GLIPR1L2: variants seen among roughly 807,000 people sequenced by gnomAD.
GLIPR1L2 encodes GLIPR1-like protein 2.
In GLIPR1L2, 21 loss-of-function variants were observed where a neutral mutation model predicts 28.4. That is an observed-to-expected ratio of 0.74 (90% CI 0.52 to 1.06). The LOEUF is 1.06. Among genes scored for constraint, GLIPR1L2 ranks in the 50% least tolerant of loss-of-function variants. The pLI is 0.00. For missense variants in GLIPR1L2, 476 were observed against 416.9 expected, an observed-to-expected ratio of 1.14 and a Z score of -1.23; for synonymous variants, 145 against 139.3, an observed-to-expected ratio of 1.04 and a Z score of -0.29.
At position 75,413,692 on chromosome 12, in the gene GLIPR1L2, A is replaced by G. The variant is rs761325625; in HGVS notation, c.575A>G (p.Tyr192Cys). 1.2e-5 allele frequency: 17 copies of G among 1,458,904 alleles called. No homozygotes were observed. The highest frequency in any genetic ancestry group is 8.7e-5 in the African/African-American group (6 of 69,246). 90.4% of individuals were successfully genotyped at this position (1,458,904 alleles called of 1,614,324 possible). The change falls in exon 3 of 6, where the codon TAT becomes TGT. Residue 192 changes from tyrosine (Y) to cysteine (C), a missense_variant. Transcript: ENST00000550916. ...CATGCAGCAATTTTCATATGCAACT[A>G]TGCGCCAGGGTAAGTTACTTAAAAT... is the stretch of plus-strand genomic sequence containing the variant. ...IIHAAIFICNYAPGGTLTRRP... is the reference protein window; with the variant it reads ...IIHAAIFICNCAPGGTLTRRP...
At chr12:75,394,535 G>A (rs1336785883) in intron 1 of GLIPR1L2, among the ~76,000 whole-genome samples, 1 of 151,712 alleles carries the variant, frequency 6.6e-6, no homozygotes, top group East Asian at 1.9e-4. Context: ...GTTAAAAATC[G>A]TTTGACCATA....
At chr12:75,413,557 T>G in intron 2 of GLIPR1L2, 41 bp from the exon 3 acceptor site, 1 of 1,129,242 alleles carries the variant, frequency 8.9e-7, no homozygotes. Context: ...AGTCAATGTT[T>G]AAAATTAAAT....
chr12:75,401,223 AT>A (rs2045738166), intron 1 of GLIPR1L2, among the ~76,000 whole-genome samples: 1 of 151,672 alleles, frequency 6.6e-6, no homozygotes, highest in East Asian at 1.9e-4. Context: ...AGTGAATTTA[AT>A]TTCTTTATCA....
intron 1 of GLIPR1L2, among the ~76,000 whole-genome samples, chr12:75,402,231 C>T (rs1375677946): frequency 6.6e-6 from 1 of 152,122 alleles, no homozygotes; most frequent in East Asian, 1.9e-4. Context: ...AAAACCGTAA[C>T]AGCAATGCTT....
chr12:75,426,391 A>G (rs777882468), intron 4 of GLIPR1L2, among the ~76,000 whole-genome samples: 1 of 152,262 alleles, frequency 6.6e-6, no homozygotes, highest in Non-Finnish European at 1.5e-5. Context: ...AGTGAAGGTC[A>G]GGGAAGTGGC....
rs1221723169 is a variant in GLIPR1L2, at chr12:75,431,722, CA to C, written c.*564del. 6.6e-6 allele frequency: 1 copy of C among 151,944 alleles called. No individual in the cohort carries two copies. The highest frequency in any genetic ancestry group is 1.5e-5 in the Non-Finnish European group (1 of 67,936). 9.4% of individuals were successfully genotyped at this position (151,944 alleles called of 1,614,324 possible). The stretch of plus-strand genomic sequence containing the variant: ...GGTACCTGTACATCCTGCTAGGATG[CA>C]AACTTATTATTTATAATTAATGTTC... On this transcript the variant is annotated 3_prime_UTR_variant, in exon 6 of 6. Coordinates refer to ENST00000550916, the MANE Select transcript of GLIPR1L2 (RefSeq NM_001270396.2).
intron 1 of GLIPR1L2, among the ~76,000 whole-genome samples, chr12:75,393,390 A>G (rs528714451): frequency 1.3e-5 from 2 of 152,090 alleles, no homozygotes; most frequent in East Asian, 3.9e-4. Flanking sequence ...TCAAATAATT[A>G]CTTTACTCTC....
intron 1 of GLIPR1L2, among the ~76,000 whole-genome samples, chr12:75,392,000 C>A (rs535371073): frequency 5.3e-5 from 8 of 152,070 alleles, no homozygotes; most frequent in Admixed American, 3.3e-4. Flanking sequence ...CCCTCTTTTA[C>A]ACCCTATAGT....
At chr12:75,421,111 T>C (rs1360865981) in intron 3 of GLIPR1L2, among the ~76,000 whole-genome samples, 1 of 152,100 alleles carries the variant, frequency 6.6e-6, no homozygotes, top group Non-Finnish European at 1.5e-5. Context: ...TAGGAGACAA[T>C]ACATCTGCTT....
intron 1 of GLIPR1L2, among the ~76,000 whole-genome samples, chr12:75,397,311 T>C (rs2045691538): frequency 6.6e-6 from 1 of 152,060 alleles, no homozygotes; most frequent in Non-Finnish European, 1.5e-5. Context: ...TCTTATGATT[T>C]CTATTTTTAC....
chr12:75,402,730 C>T (rs1355208877), intron 1 of GLIPR1L2, among the ~76,000 whole-genome samples: 2 of 152,160 alleles, frequency 1.3e-5, no homozygotes, highest in African/African-American at 4.8e-5. Flanking sequence ...GTTTAGACAG[C>T]ATCTGTTGCC....
At chr12:75,402,382 G>T (rs1175265185) in intron 1 of GLIPR1L2, among the ~76,000 whole-genome samples, 2 of 152,076 alleles carry the variant, frequency 1.3e-5, no homozygotes, top group Non-Finnish European at 2.9e-5. Context: ...TTTAAAAAAT[G>T]GAAGATTCAA....
chr12:75,430,347 AG>A (rs1289604217), intron 4 of GLIPR1L2, among the ~76,000 whole-genome samples: 1 of 152,366 alleles, frequency 6.6e-6, no homozygotes, highest in East Asian at 1.9e-4. Flanking sequence ...AAGATTAATT[AG>A]GAGTTATCTG....
chr12:75,396,379 G>A (rs569313903), intron 1 of GLIPR1L2, among the ~76,000 whole-genome samples: 1 of 152,016 alleles, frequency 6.6e-6, no homozygotes, highest in Non-Finnish European at 1.5e-5. Context: ...GCCCAGGCTC[G>A]CACCTGGCCC....
At chr12:75,415,959 A>G (rs1402372830) in intron 3 of GLIPR1L2, among the ~76,000 whole-genome samples, 6 of 152,094 alleles carry the variant, frequency 3.9e-5, no homozygotes, top group Non-Finnish European at 8.8e-5. Context: ...AGTAAAATTC[A>G]TCATATTCAC....
chr12:75,399,571 T>C (rs2045717313), intron 1 of GLIPR1L2, among the ~76,000 whole-genome samples: 2 of 152,234 alleles, frequency 1.3e-5, no homozygotes, highest in Non-Finnish European at 1.5e-5. Context: ...TAGTATCCTT[T>C]AATGATTATT....
intron 2 of GLIPR1L2, 85 bp from the exon 3 acceptor site, chr12:75,413,513 T>G (rs1187598525): frequency 9.4e-6 from 7 of 744,740 alleles, no homozygotes; most frequent in Non-Finnish European, 1.6e-5. Context: ...AAAAGTTCTA[T>G]GTGAATGGAA....
chr12:75,426,309 C>T (rs916866448), intron 4 of GLIPR1L2, among the ~76,000 whole-genome samples: 1 of 152,172 alleles, frequency 6.6e-6, no homozygotes, highest in African/African-American at 2.4e-5. Flanking sequence ...AAAATAGTCA[C>T]TCTAAGTATT....
chr12:75,412,959 C>T (rs1435621781), intron 2 of GLIPR1L2, among the ~76,000 whole-genome samples: 100 of 151,156 alleles, frequency 6.6e-4, no homozygotes, highest in Non-Finnish European at 1.0e-3. Flanking sequence ...TGTCCAACAA[C>T]GATAGACTGG....
Sources: gnomAD v4.1 joint callset for allele counts (sites outside exome capture counted in the v4.1 genomes callset) on GRCh38, gnomAD v4.1.1 for gene constraint, MANE v1.5 for transcripts, NCBI Gene and HGNC (gene_info 2026-07-23, HGNC 2026-07-21) for gene names.